The following SLC4A2 variants were observed in gnomAD, a reference collection of about 807,000 sequenced individuals.
SLC4A2 encodes the protein solute carrier family 4 member 2.
In SLC4A2, 36 loss-of-function variants were observed where a neutral mutation model predicts 115.0. That is an observed-to-expected ratio of 0.31 (90% CI 0.24 to 0.41). The LOEUF (loss-of-function observed/expected upper bound fraction) is 0.41, where lower values mean the gene tolerates loss of function less well. Ranked by LOEUF, SLC4A2 falls within the 10% of genes least tolerant of loss-of-function variation. SLC4A2 has a pLI of 1.00. For missense variants in SLC4A2, 1,252 were observed against 1,705.6 expected (o/e 0.73, Z 4.68); for synonymous variants, 708 against 708.3 (o/e 1.00, Z 0.01).
chr7:151,062,697 C>A (rs1034799597), intron 2 of SLC4A2: 24 of 1,483,196 alleles, frequency 1.6e-5, no homozygotes, highest in Admixed American at 9.1e-5. Context: ...CTCCCCATGG[C>A]GGCAAGCTCC....
At position 151,071,702 on chromosome 7, in the gene SLC4A2, G is replaced by A. The variant is rs1797446270; in HGVS notation, c.2205G>A (p.Gln735=). 1 of 1,609,624 alleles carries A rather than the reference G, an allele frequency of 6.2e-7. No individual in the cohort carries two copies. Among genetic ancestry groups the A allele is most frequent in the Non-Finnish European group, 8.5e-7 (1 of 1,177,398 alleles). The part of the protein sequence containing the change: ...TFGGLLGEKT[Q]DLIGVSELIM... ...CTACACCCCTAGGAGAGAAGACGCA[G>A]GACCTGATAGGGGTGTCGGAGCTGA... The change falls in exon 15 of 23, where the codon CAG becomes CAA. Residue 735 remains glutamine, a synonymous_variant. Coordinates refer to ENST00000413384, the MANE Select transcript of SLC4A2 (RefSeq NM_003040.4). The surrounding 1 kb of genome is among the most constrained non-coding windows in gnomAD (Gnocchi z 5.5).
At chr7:151,067,329 G>T in intron 7 of SLC4A2, among the ~76,000 whole-genome samples, 2 of 152,196 alleles carry the variant, frequency 1.3e-5, no homozygotes, top group South Asian at 4.1e-4. Flanking sequence ...CTAGGAATCC[G>T]CCCGCCTCGG....
chr7:151,073,197 C>G (rs192947631), intron 16 of SLC4A2, among the ~76,000 whole-genome samples: 88 of 152,294 alleles, frequency 5.8e-4, no homozygotes, highest in African/African-American at 2.0e-3. Flanking sequence ...AATCCTCCTG[C>G]CTTGACCTCC....
In SLC4A2 at chr7:151,059,998, C is replaced by T. The variant is rs1490382115; in HGVS notation, c.-64+236C>T. The T allele has an allele frequency of 6.6e-6, 1 of 152,034 alleles. No individual in the cohort carries two copies. Among genetic ancestry groups the T allele is most frequent in the Admixed American group, 6.5e-5 (1 of 15,274 alleles). 9.4% of individuals were successfully genotyped at this position (152,034 alleles called of 1,614,324 possible). A position where few individuals can be genotyped will look rare whatever the true frequency, so the allele number is the denominator to read the frequency against. ...TCAGAGTTCCCTAAAGCCAGGGTGC[C>T]GCGCCCCCTGCCACCAGGAGGGGGT... On this transcript the variant is annotated intron_variant, in intron 1 of 22. Coordinates refer to ENST00000413384, the MANE Select transcript of SLC4A2 (RefSeq NM_003040.4). The surrounding 1 kb of genome is among the most constrained non-coding windows in gnomAD (Gnocchi z 5.8).
At chr7:151,067,631 C>G (rs1797279728) in intron 7 of SLC4A2, among the ~76,000 whole-genome samples, 1 of 152,232 alleles carries the variant, frequency 6.6e-6, no homozygotes, top group Non-Finnish European at 1.5e-5. Context: ...TCCTTTTCAT[C>G]CTTCTGACAG....
In SLC4A2 at chr7:151,064,812, C is replaced by T. The variant is rs755269380; in HGVS notation, c.460-36C>T. ...CTAGGGCATGTCGGCAGGGCCCTGG[C>T]CTGGTCACTCCTGCCCATGTGGGTC... On this transcript the variant is annotated intron_variant, in intron 4 of 22. Coordinates refer to ENST00000413384, the MANE Select transcript of SLC4A2 (RefSeq NM_003040.4). 3.7e-6 allele frequency: 6 copies of T among 1,613,054 alleles called. No individual in the cohort carries two copies. The South Asian group carries it at 6.6e-5, about 18-fold the overall frequency.
intron 5 of SLC4A2, among the ~76,000 whole-genome samples, chr7:151,065,964 G>A (rs1446513083): frequency 6.6e-6 from 1 of 152,174 alleles, no homozygotes; most frequent in African/African-American, 2.4e-5. Context: ...GCTGGCGTCT[G>A]TGAAGCCTGA....
chr7:151,067,757 A>G (rs1247451601), intron 7 of SLC4A2, 117 bp from the exon 8 acceptor site: 3 of 777,558 alleles, frequency 3.9e-6, no homozygotes, highest in African/African-American at 3.6e-5. Context: ...TGCACCACCC[A>G]CTGTGCTCGT....
chr7:151,073,989 A>G lies in SLC4A2; in HGVS notation c.2536-50A>G, dbSNP rs199971002. The G allele has an allele frequency of 1.8e-4, 267 of 1,515,012 alleles. 2 individuals carry two copies. In the Middle Eastern group the frequency reaches 3.0e-3, roughly 17 times the overall value. The allele number at this position is 1,515,012 out of a possible 1,614,324, so 93.8% of individuals were successfully genotyped here. On this transcript the variant is annotated intron_variant, in intron 16 of 22. Coordinates refer to ENST00000413384, the MANE Select transcript of SLC4A2 (RefSeq NM_003040.4). Reference sequence around the variant, plus strand: ...ACCCGACACTCACTGAGCCCCAGGAATCTTTTCTGCAGTCCAGCTGATGGA... The same window carrying G: ...ACCCGACACTCACTGAGCCCCAGGAGTCTTTTCTGCAGTCCAGCTGATGGA...
rs760330437 is a variant in SLC4A2, at chr7:151,071,007, C to A, written c.1750-65C>A. The A allele has an allele frequency of 4.0e-5, 63 of 1,592,812 alleles. No homozygotes were observed. Among genetic ancestry groups the A allele is most frequent in the Non-Finnish European group, 5.3e-5 (62 of 1,166,256 alleles). On this transcript the variant is annotated intron_variant, in intron 12 of 22. Coordinates refer to ENST00000413384, the MANE Select transcript of SLC4A2 (RefSeq NM_003040.4). This position sits in a 1 kb window ranked among gnomAD's most constrained non-coding sequence, Gnocchi z 5.5. ...GCCTCCCACCCACTGGCCTTGCCCA[C>A]CCTCAGCTCCAGGCCCTCAGCCCTC...
chr7:151,075,047 C>A, intron 19 of SLC4A2: 1 of 885,566 alleles, frequency 1.1e-6, no homozygotes, highest in Non-Finnish European at 1.8e-6. Flanking sequence ...GCAGGCCACC[C>A]TGGCAGTGCT....
rs1332409782 is a variant in SLC4A2, at chr7:151,070,086, A to G, written c.1283+4A>G. 6.2e-7 allele frequency: 1 copy of G among 1,613,804 alleles called. No individual in the cohort carries two copies. ...GGGCTCTGCTGTTGAAACACAGGTG[A>G]GGCCCTGTGGGCCAGTTGGGGATGA... On this transcript the variant is annotated splice_donor_region_variant and intron_variant, in intron 9 of 22. Transcript: ENST00000413384.
At position 151,069,920 on chromosome 7, in the gene SLC4A2, G is replaced by A. The variant is rs1331674064; in HGVS notation, c.1148-27G>A. 1.9e-6 allele frequency: 3 copies of A among 1,613,432 alleles called. No individual in the cohort carries two copies. The East Asian group carries it at 6.7e-5, about 36-fold the overall frequency. On this transcript the variant is annotated intron_variant, in intron 8 of 22. Coordinates refer to ENST00000413384, the MANE Select transcript of SLC4A2 (RefSeq NM_003040.4). ...CCACTGTTTTGTGACCTGGGGCTGA[G>A]GGGCCCTCTGTGCCATCTTATGCTA...
intron 7 of SLC4A2, among the ~76,000 whole-genome samples, chr7:151,067,329 G>A (rs148532760): frequency 0.058 from 8,759 of 152,186 alleles, 345 homozygotes; most frequent in Non-Finnish European, 0.079. Context: ...CTAGGAATCC[G>A]CCCGCCTCGG....
intron 16 of SLC4A2, among the ~76,000 whole-genome samples, chr7:151,072,658 CTT>C (rs748262534): frequency 2.5e-4 from 35 of 137,416 alleles, no homozygotes; most frequent in Non-Finnish European, 2.4e-4. Flanking sequence ...ACTTTTATTT[CTT>C]TTTTTTTTTT....
chr7:151,074,552 C>T (rs1221121821), intron 18 of SLC4A2, 64 bp downstream of exon 18: 2 of 1,595,682 alleles, frequency 1.3e-6, no homozygotes, highest in African/African-American at 1.3e-5. Context: ...AGGTGTTCCC[C>T]TCCAGCCTCC....
At chr7:151,067,822 C>T (rs1370755929) in intron 7 of SLC4A2, 52 bp from the exon 8 acceptor site, 1 of 1,553,518 alleles carries the variant, frequency 6.4e-7, no homozygotes, top group African/African-American at 1.4e-5. Flanking sequence ...ACACCCACCC[C>T]AGGGCTGCCT....
intron 19 of SLC4A2, 161 bp downstream of exon 19, chr7:151,075,002 C>T (rs962031919): frequency 2.6e-5 from 23 of 896,068 alleles, no homozygotes; most frequent in African/African-American, 1.7e-4. Flanking sequence ...AGAAAAACCC[C>T]GATGTTTGCT....
At chr7:151,058,656 C>G (rs1367396412), upstream of SLC4A2, 1 of 152,336 alleles carries the variant, frequency 6.6e-6, no homozygotes, top group African/African-American at 2.4e-5. Context: ...GGGTCCCCCT[C>G]AGACCCCAGT....
Sources: gnomAD v4.1 joint callset for allele counts (sites outside exome capture counted in the v4.1 genomes callset) on GRCh38, gnomAD v4.1.1 for gene constraint, Gnocchi (gnomAD v3.1) non-coding constraint, MANE v1.5 for transcripts, NCBI Gene and HGNC (gene_info 2026-07-23, HGNC 2026-07-21) for gene names.